Variants in RASSF5 observed in about 807,000 individuals in gnomAD.
The protein encoded by RASSF5 is ras association domain-containing protein 5.
Under a neutral mutation model 40.5 loss-of-function variants are expected in RASSF5, and 25 were observed. The ratio of observed to expected loss-of-function variants is 0.62; its 90% confidence interval spans 0.45 to 0.86. RASSF5 has a LOEUF of 0.86. Among genes scored for constraint, RASSF5 ranks in the 40% least tolerant of loss-of-function variants. The pLI is 0.00. For missense variants in RASSF5, 521 were observed against 572.8 expected (o/e 0.91, Z 0.92); for synonymous variants, 246 against 252.4 (o/e 0.97, Z 0.24).
chr1:206,533,295 C>G (rs1667288566), intron 1 of RASSF5, among the ~76,000 whole-genome samples: 1 of 152,174 alleles, frequency 6.6e-6, no homozygotes, highest in Non-Finnish European at 1.5e-5. Flanking sequence ...GTTTACCACT[C>G]CCTAACCTCC....
intron 2 of RASSF5, 143 bp from the exon 3 acceptor site, chr1:206,583,126 A>T (rs1668959407): frequency 1.7e-6 from 1 of 604,880 alleles, no homozygotes; most frequent in East Asian, 2.9e-5. Flanking sequence ...TCATTGTCTC[A>T]CTCCGAGTCC....
intron 2 of RASSF5, among the ~76,000 whole-genome samples, chr1:206,558,420 G>A (rs1220092059): frequency 6.6e-6 from 1 of 152,120 alleles, no homozygotes; most frequent in Non-Finnish European, 1.5e-5. Flanking sequence ...GGTGGGAGTG[G>A]AGGTAAAGCT....
Position 206,586,938 on chromosome 1 carries a change from TGGA to T in RASSF5, c.1223_1225del (p.Glu408del). On this transcript the variant is annotated inframe_deletion, in exon 6 of 6. Coordinates refer to ENST00000579436, the MANE Select transcript of RASSF5 (RefSeq NM_182663.4). The stretch of plus-strand genomic sequence containing the variant: ...AAGTATGACAAGTTTAGGCAGAAAC[TGGA>T]GGAGGCCTTAAGAGAATCCCAGGGC... 1.9e-6 allele frequency: 3 copies of T among 1,614,216 alleles called. No homozygotes were observed. The highest frequency in any genetic ancestry group is 2.5e-6 in the Non-Finnish European group (3 of 1,180,016).
intron 2 of RASSF5, among the ~76,000 whole-genome samples, chr1:206,571,750 G>A (rs972424799): frequency 1.3e-4 from 20 of 152,194 alleles, no homozygotes; most frequent in African/African-American, 4.6e-4. Flanking sequence ...CAGGCAGAAT[G>A]GTCAGATGAA....
Position 206,518,541 on chromosome 1 carries a change from C to T in RASSF5, c.457+10482C>T, listed in dbSNP as rs574283204. The T allele has an allele frequency of 2.3e-5, 9 of 398,542 alleles. No individual in the cohort carries two copies. In the South Asian group the frequency reaches 5.1e-4, roughly 23 times the overall value. 24.7% of individuals were successfully genotyped at this position (398,542 alleles called of 1,614,324 possible). On this transcript the variant is annotated intron_variant, in intron 1 of 5. Coordinates refer to ENST00000579436, the MANE Select transcript of RASSF5 (RefSeq NM_182663.4). The stretch of plus-strand genomic sequence containing the variant: ...GTTCCGCAACGGGGCCCGGAGGGCT[C>T]GGGGTAGGTCTAAGCCAATCTGACT...
intron 2 of RASSF5, chr1:206,544,952 T>C (rs1667641653): frequency 6.6e-6 from 1 of 150,924 alleles, no homozygotes; most frequent in Non-Finnish European, 1.5e-5. Context: ...AACAGCCACG[T>C]GTTGAACCCA....
At position 206,579,301 on chromosome 1, in the gene RASSF5, A is replaced by G. The variant is rs563952713; in HGVS notation, c.580-3968A>G. 2.2e-3 allele frequency among the ~76,000 whole-genome samples: 339 copies of G among 152,338 alleles called. 1 individual carries two copies. Among genetic ancestry groups the G allele is most frequent in the African/African-American group, 7.3e-3 (303 of 41,566 alleles). ...CCCAGGAGAGACACCTCACATGCCAATGTCTATATTTGTTAAATCATAACA... is the reference window on the plus strand; with the variant it reads ...CCCAGGAGAGACACCTCACATGCCAGTGTCTATATTTGTTAAATCATAACA... On this transcript the variant is annotated intron_variant, in intron 2 of 5. Coordinates refer to ENST00000579436, the MANE Select transcript of RASSF5 (RefSeq NM_182663.4). The surrounding 1 kb of genome is among the most constrained non-coding windows in gnomAD (Gnocchi z 4.2).
At chr1:206,565,506 C>A (rs1477938467) in intron 2 of RASSF5, among the ~76,000 whole-genome samples, 3 of 152,330 alleles carry the variant, frequency 2.0e-5, no homozygotes. Context: ...TAGCACTGAG[C>A]ACCACAGGTG....
intron 2 of RASSF5, among the ~76,000 whole-genome samples, chr1:206,546,019 C>T (rs542980324): frequency 5.6e-4 from 79 of 142,240 alleles, no homozygotes; most frequent in Non-Finnish European, 9.3e-4. Context: ...GGCGCGATCT[C>T]GGCTCACGAT....
chr1:206,567,620 G>T (rs1381335075), intron 2 of RASSF5, among the ~76,000 whole-genome samples: 1 of 152,078 alleles, frequency 6.6e-6, no homozygotes, highest in East Asian at 1.9e-4. Flanking sequence ...CTGTAAGACG[G>T]GAAGACTTGG....
At chr1:206,517,341 G>T (rs1283555486) in intron 1 of RASSF5, among the ~76,000 whole-genome samples, 2 of 152,086 alleles carry the variant, frequency 1.3e-5, no homozygotes, top group African/African-American at 2.4e-5. Flanking sequence ...TGGGTGTGGT[G>T]GTGCCCACCT....
intron 2 of RASSF5, among the ~76,000 whole-genome samples, chr1:206,541,401 G>A (rs561466108): frequency 7.4e-4 from 113 of 152,264 alleles, no homozygotes; most frequent in African/African-American, 2.6e-3. Context: ...CCACAGGGAG[G>A]CAGCTGGGGA....
chr1:206,514,146 G>A (rs1666690265), intron 1 of RASSF5, among the ~76,000 whole-genome samples: 1 of 152,210 alleles, frequency 6.6e-6, no homozygotes, highest in African/African-American at 2.4e-5. Flanking sequence ...AATCTTTGAG[G>A]TTTGATTCTC....
At chr1:206,523,769 T>A (rs1460278615) in intron 1 of RASSF5, among the ~76,000 whole-genome samples, 8 of 101,478 alleles carry the variant, frequency 7.9e-5, no homozygotes, top group Middle Eastern at 5.7e-3. Context: ...ATAATATATT[T>A]TATATATTAT....
Position 206,539,896 on chromosome 1 carries a change from G to A in RASSF5, c.579+1603G>A, listed in dbSNP as rs75808511. On this transcript the variant is annotated intron_variant, in intron 2 of 5. Coordinates refer to ENST00000579436, the MANE Select transcript of RASSF5 (RefSeq NM_182663.4). The stretch of plus-strand genomic sequence containing the variant: ...TCTCAATTTGCTTTTCTCTTTGGGA[G>A]CTTCCAAGTGTCTCTTCTTTCTGAT... Among the ~76,000 whole-genome samples, 409 of 152,290 alleles carry A rather than the reference G, an allele frequency of 2.7e-3. 2 individuals are homozygous for A. The highest frequency in any genetic ancestry group is 6.8e-3 in the Middle Eastern group (2 of 294).
chr1:206,587,278 G>A lies in RASSF5; in HGVS notation c.*300G>A, dbSNP rs941617420. 4 of 375,708 alleles carry A rather than the reference G, an allele frequency of 1.1e-5. 1 individual carries two copies. The highest frequency in any genetic ancestry group is 4.5e-5 in the South Asian group (2 of 44,630). 23.3% of individuals were successfully genotyped at this position (375,708 alleles called of 1,614,324 possible). A position where few individuals can be genotyped will look rare whatever the true frequency, so the allele number is the denominator to read the frequency against. ...CACCAACCAAATAGTTGCCTCTCTC[G>A]TCACCAAACTGGAACCTCACACCAG... is the stretch of plus-strand genomic sequence containing the variant. On this transcript the variant is annotated 3_prime_UTR_variant, in exon 6 of 6. Coordinates refer to ENST00000579436, the MANE Select transcript of RASSF5 (RefSeq NM_182663.4).
rs184775849 is a variant in RASSF5 at position 206,517,372 on chromosome 1, G to T, written c.457+9313G>T. 1.7e-4 allele frequency among the ~76,000 whole-genome samples: 26 copies of T among 152,188 alleles called. 1 individual carries two copies. Among genetic ancestry groups the T allele is most frequent in the Middle Eastern group, 6.8e-3 (2 of 294 alleles). On this transcript the variant is annotated intron_variant, in intron 1 of 5. Coordinates refer to ENST00000579436, the MANE Select transcript of RASSF5 (RefSeq NM_182663.4). ...CACCTGTAGTCCCAGCTACATGCTG[G>T]GGGGTGGGAGAATCACTTGAGCCCA...
intron 1 of RASSF5, among the ~76,000 whole-genome samples, chr1:206,530,466 T>C (rs1667209864): frequency 3.3e-5 from 5 of 152,204 alleles, no homozygotes. Context: ...GTGATGAACA[T>C]TTTAGTGACA....
chr1:206,528,553 A>C (rs556861668), intron 1 of RASSF5, among the ~76,000 whole-genome samples: 29 of 152,276 alleles, frequency 1.9e-4, no homozygotes, highest in African/African-American at 6.7e-4. Context: ...AATGTAAACT[A>C]TGGACTCTGG....
Sources: gnomAD v4.1 joint callset for allele counts (sites outside exome capture counted in the v4.1 genomes callset) on GRCh38, gnomAD v4.1.1 for gene constraint, Gnocchi (gnomAD v3.1) non-coding constraint, MANE v1.5 for transcripts, NCBI Gene and HGNC (gene_info 2026-07-23, HGNC 2026-07-21) for gene names.